Variants in FRMD5 observed in about 807,000 individuals in gnomAD.
The protein encoded by FRMD5 is FERM domain-containing protein 5.
In FRMD5, 20 loss-of-function variants were observed where a neutral mutation model predicts 69.0. The ratio of observed to expected loss-of-function variants is 0.29; its 90% CI spans 0.20 to 0.42. FRMD5 has a LOEUF of 0.42. FRMD5 is among the 10% of genes least tolerant of loss of function. FRMD5 has a pLI of 1.00. For synonymous variants in FRMD5, 271 were observed against 260.1 expected, an observed-to-expected ratio of 1.04 and a Z score of -0.40; for missense variants, 595 against 708.6, an observed-to-expected ratio of 0.84 and a Z score of 1.82.
intron 1 of FRMD5, among the ~76,000 whole-genome samples, chr15:43,944,632 CA>C (rs1420467218): frequency 6.6e-6 from 1 of 152,110 alleles, no homozygotes; most frequent in African/African-American, 2.4e-5. Context: ...CTGTGTTGCC[CA>C]GGCTGGAGTG....
chr15:44,036,312 C>T (rs1314634226), intron 1 of FRMD5, among the ~76,000 whole-genome samples: 1 of 151,998 alleles, frequency 6.6e-6, no homozygotes, highest in Non-Finnish European at 1.5e-5. Flanking sequence ...ATTAGTCCCT[C>T]TTCACCCTCA....
At chr15:44,042,910 A>T (rs900345989) in intron 1 of FRMD5, among the ~76,000 whole-genome samples, 13 of 152,216 alleles carry the variant, frequency 8.5e-5, no homozygotes, top group African/African-American at 2.9e-4. Flanking sequence ...TCAACATAGT[A>T]TTGGAAGTTC....
At chr15:44,037,469 CTT>C (rs777164587) in intron 1 of FRMD5, among the ~76,000 whole-genome samples, 46 of 137,492 alleles carry the variant, frequency 3.3e-4, no homozygotes, top group African/African-American at 5.4e-4. Flanking sequence ...TGTCTTTTCT[CTT>C]TTTTTTTTTT....
At chr15:44,126,256 T>C (rs964415664) in intron 1 of FRMD5, among the ~76,000 whole-genome samples, 1 of 152,212 alleles carries the variant, frequency 6.6e-6, no homozygotes, top group Non-Finnish European at 1.5e-5. Flanking sequence ...ACTGACAGCT[T>C]TGAAATCCAG....
At chr15:43,916,253 G>A (rs1400209088) in intron 4 of FRMD5, among the ~76,000 whole-genome samples, 1 of 152,210 alleles carries the variant, frequency 6.6e-6, no homozygotes, top group East Asian at 1.9e-4. Context: ...GTGCTTACCA[G>A]GACTTGGATG....
At chr15:44,029,858 T>G (rs879831862) in intron 1 of FRMD5, among the ~76,000 whole-genome samples, 3 of 152,248 alleles carry the variant, frequency 2.0e-5, no homozygotes, top group South Asian at 2.1e-4. Flanking sequence ...GGCCACAGCA[T>G]TCTGCAAGTG....
chr15:44,069,699 T>C (rs773434979), intron 1 of FRMD5, among the ~76,000 whole-genome samples: 7 of 152,100 alleles, frequency 4.6e-5, no homozygotes, highest in Non-Finnish European at 7.4e-5. Context: ...ATAGGAGGGA[T>C]CATCATGGTG....
In FRMD5 at chr15:43,875,794, C is replaced by T. The variant is rs773541354; in HGVS notation, c.1136-1332G>A. The T allele has an allele frequency of 4.1e-4, 243 of 587,494 alleles. 1 individual carries two copies. Among genetic ancestry groups the T allele is most frequent in the Non-Finnish European group, 4.8e-4 (163 of 339,286 alleles). 36.4% of individuals were successfully genotyped at this position (587,494 alleles called of 1,614,324 possible). On this transcript the variant is annotated intron_variant, in intron 13 of 13. Coordinates refer to ENST00000417257, the MANE Select transcript of FRMD5 (RefSeq NM_032892.5). ...ATTCTGCCTTTCTTGCCTTTGGTGT[C>T]CTGGGCCTAGTTTTTTTTTTTTTTT...
intron 8 of FRMD5, among the ~76,000 whole-genome samples, chr15:43,891,453 C>T (rs1337767706): frequency 1.3e-5 from 2 of 152,194 alleles, no homozygotes; most frequent in African/African-American, 4.8e-5. Flanking sequence ...ACAGCAGCAA[C>T]TGAGCTTTTG....
intron 1 of FRMD5, among the ~76,000 whole-genome samples, chr15:43,980,227 T>C (rs1284390447): frequency 6.6e-6 from 1 of 152,194 alleles, no homozygotes; most frequent in Non-Finnish European, 1.5e-5. Context: ...TCTAATAAAA[T>C]CTACCTCTGC....
chr15:44,132,689 A>G (rs1005121657), intron 1 of FRMD5, among the ~76,000 whole-genome samples: 15 of 152,012 alleles, frequency 9.9e-5, no homozygotes, highest in African/African-American at 3.6e-4. Context: ...TCAGCCTCCC[A>G]AAGTGCTGGA....
chr15:43,910,013 T>C (rs779364227), intron 4 of FRMD5, 34 bp from the exon 5 acceptor site: 1 of 1,210,456 alleles, frequency 8.3e-7, no homozygotes, highest in South Asian at 1.2e-5. Context: ...CTATAAAGGA[T>C]TTCTTTGATT....
intron 7 of FRMD5, among the ~76,000 whole-genome samples, chr15:43,899,795 C>T (rs1304768254): frequency 2.0e-5 from 3 of 152,222 alleles, no homozygotes; most frequent in South Asian, 2.1e-4. Flanking sequence ...GACAAACTCA[C>T]CCAAGACGAG....
At chr15:44,065,644 T>C (rs1893279094) in intron 1 of FRMD5, among the ~76,000 whole-genome samples, 3 of 152,146 alleles carry the variant, frequency 2.0e-5, no homozygotes, top group African/African-American at 4.8e-5. Flanking sequence ...GGTCATGATA[T>C]TGATTTCATG....
chr15:43,977,838 T>C (rs544301310), intron 1 of FRMD5, among the ~76,000 whole-genome samples: 1 of 152,300 alleles, frequency 6.6e-6, no homozygotes, highest in East Asian at 1.9e-4. Flanking sequence ...TTTGGAGTAC[T>C]AACTGTTGCT....
intron 6 of FRMD5, among the ~76,000 whole-genome samples, chr15:43,903,133 C>T (rs1031466174): frequency 2.0e-5 from 3 of 152,236 alleles, no homozygotes; most frequent in African/African-American, 4.8e-5. Flanking sequence ...TTGATGGGCT[C>T]ATTGCAGACC....
intron 1 of FRMD5, among the ~76,000 whole-genome samples, chr15:43,997,881 A>T (rs1189699548): frequency 6.6e-6 from 1 of 152,174 alleles, no homozygotes; most frequent in Non-Finnish European, 1.5e-5. Context: ...ATGTTCTTCA[A>T]TGTTCATGAC....
At chr15:43,922,758 C>T (rs1311750703) in intron 2 of FRMD5, among the ~76,000 whole-genome samples, 2 of 151,842 alleles carry the variant, frequency 1.3e-5, no homozygotes, top group East Asian at 1.9e-4. Flanking sequence ...GCAACCTCCA[C>T]CTCCCGGGTT....
At chr15:44,098,115 C>A (rs2042740) in intron 1 of FRMD5, among the ~76,000 whole-genome samples, 1,290 of 15,236 alleles carry the variant, frequency 0.085, 15 homozygotes, top group African/African-American at 0.13. Flanking sequence ...AGTGACAAAA[C>A]AAAAAAAAAA....
Sources: allele counts gnomAD v4.1 joint callset (sites outside exome capture counted in the v4.1 genomes callset), GRCh38; gene constraint gnomAD v4.1.1; transcripts MANE v1.5; gene names NCBI Gene and HGNC (gene_info 2026-07-23, HGNC 2026-07-21).